Variants in RBPJ observed in about 807,000 individuals in gnomAD.
RBPJ encodes the protein recombining binding protein suppressor of hairless.
RBPJ carries 9 observed loss-of-function variants against 67.8 expected under a neutral mutation model. The ratio of observed to expected loss-of-function variants is 0.13; its 90% CI spans 0.08 to 0.23. RBPJ has a LOEUF of 0.23. RBPJ is among the 10% of genes least tolerant of loss of function. RBPJ has a pLI of 1.00. For synonymous variants in RBPJ, 198 were observed against 203.3 expected (o/e 0.97, Z 0.22); for missense variants, 305 against 595.6 (o/e 0.51, Z 5.08).
intron 1 of RBPJ, among the ~76,000 whole-genome samples, chr4:26,232,656 A>G (rs906714079): frequency 6.6e-6 from 1 of 152,196 alleles, no homozygotes; most frequent in African/African-American, 2.4e-5. Context: ...AACAACAACA[A>G]CGATAATAAT....
In RBPJ at chr4:26,218,907, A is replaced by G. The variant is rs111678703; in HGVS notation, c.-167+55293A>G. ...GAAATTGATTACCCTGCCTCTCAGT[A>G]CCAGGCCTTCTCTCCAGAGCTCCTG... On this transcript the variant is annotated intron_variant, in intron 1 of 4. Coordinates refer to the RBPJ transcript ENST00000512351. Among the ~76,000 whole-genome samples the G allele has an allele frequency of 6.4e-3, 977 of 152,244 alleles. 13 individuals carry two copies. The highest frequency in any genetic ancestry group is 0.022 in the African/African-American group (929 of 41,546).
intron 2 of RBPJ, among the ~76,000 whole-genome samples, chr4:26,397,048 A>C (rs1732192666): frequency 1.3e-5 from 2 of 152,254 alleles, no homozygotes; most frequent in Admixed American, 1.3e-4. Context: ...AGGAGATCTT[A>C]GTCTGGTCTA....
upstream of RBPJ, among the ~76,000 whole-genome samples, chr4:26,318,608 A>G (rs761377516): frequency 6.6e-6 from 1 of 152,260 alleles, no homozygotes; most frequent in Non-Finnish European, 1.5e-5. Context: ...GCAAGAATCT[A>G]TACAAGGCAA....
chr4:26,315,167 A>AAAAAAAAAAAAT (rs1325689348), upstream of RBPJ, among the ~76,000 whole-genome samples: 4 of 74,768 alleles, frequency 5.3e-5, no homozygotes, highest in African/African-American at 6.7e-5. Context: ...AAAAAAAAAA[A>AAAAAAAAAAAAT]ATATATATAT....
chr4:26,106,376 C>T, the RBPJ span, among the ~76,000 whole-genome samples: 2,753 of 152,280 alleles, frequency 0.018, 89 homozygotes, highest in African/African-American at 0.061. Context: ...AACACCACTA[C>T]GGCAGAATTA....
At chr4:26,149,255 T>C in the RBPJ span, among the ~76,000 whole-genome samples, 14 of 152,342 alleles carry the variant, frequency 9.2e-5, no homozygotes, top group African/African-American at 2.9e-4. Context: ...AACTTCAATG[T>C]TGTGAAAAGT....
chr4:26,349,619 C>T (rs1410762596), intron 1 of RBPJ, among the ~76,000 whole-genome samples: 1 of 152,144 alleles, frequency 6.6e-6, no homozygotes, highest in East Asian at 1.9e-4. Flanking sequence ...AGCTATTTGT[C>T]TTCACAGGAA....
the RBPJ span, among the ~76,000 whole-genome samples, chr4:26,141,470 CA>C: frequency 4.6e-5 from 7 of 152,272 alleles, no homozygotes; most frequent in African/African-American, 1.7e-4. Flanking sequence ...CGCCCAGGAA[CA>C]CTTCCTACCC....
chr4:26,411,843 C>T (rs896480771), intron 3 of RBPJ, among the ~76,000 whole-genome samples: 4 of 151,676 alleles, frequency 2.6e-5, no homozygotes, highest in Admixed American at 6.6e-5. Context: ...CGCGGTGGCT[C>T]ACGCCTGTAA....
chr4:26,137,207 T>C, the RBPJ span, among the ~76,000 whole-genome samples: 166 of 152,174 alleles, frequency 1.1e-3, no homozygotes, highest in African/African-American at 3.8e-3. Context: ...TTTGGAAGTC[T>C]CTCCTTCACA....
chr4:26,194,487 A>C (rs1366585360), intron 1 of RBPJ, among the ~76,000 whole-genome samples: 1 of 152,236 alleles, frequency 6.6e-6, no homozygotes, highest in Non-Finnish European at 1.5e-5. Context: ...CCATTGTCAG[A>C]TGAGGAAACT....
At chr4:26,343,003 T>A (rs1291369661) in intron 1 of RBPJ, 2 of 152,262 alleles carry the variant, frequency 1.3e-5, no homozygotes, top group East Asian at 3.8e-4. Flanking sequence ...TTAAAGTCTC[T>A]GCTGTCAAAT....
chr4:26,362,468 A>G, intron 1 of RBPJ: 2 of 1,462,634 alleles, frequency 1.4e-6, no homozygotes, highest in Non-Finnish European at 1.8e-6. Context: ...TGAGACTATC[A>G]TTCAAATGGA....
At chr4:26,255,370 C>G (rs1399096426) in intron 1 of RBPJ, among the ~76,000 whole-genome samples, 1 of 111,018 alleles carries the variant, frequency 9.0e-6, no homozygotes, top group Non-Finnish European at 1.7e-5. Context: ...CGCCACCGCA[C>G]TCCAGCCTGG....
chr4:26,244,361 A>G lies in RBPJ; in HGVS notation c.-167+80747A>G, dbSNP rs1419209807. 2.2e-4 allele frequency among the ~76,000 whole-genome samples: 29 copies of G among 131,274 alleles called. 1 individual carries two copies. The highest frequency in any genetic ancestry group is 4.7e-4 in the African/African-American group (16 of 34,238). 86.1% of individuals were successfully genotyped at this position (131,274 alleles called of 152,430 possible). A position where few individuals can be genotyped will look rare whatever the true frequency, so the allele number is the denominator to read the frequency against. The stretch of plus-strand genomic sequence containing the variant: ...TACACATATGTGTGTATATATATGT[A>G]TGCACATATGTGTACACGTGTGTGT... On this transcript the variant is annotated intron_variant, in intron 1 of 4. Coordinates refer to the RBPJ transcript ENST00000512351.
chr4:26,407,062 T>C (rs1289830006), intron 3 of RBPJ, among the ~76,000 whole-genome samples: 1 of 152,226 alleles, frequency 6.6e-6, no homozygotes, highest in East Asian at 1.9e-4. Flanking sequence ...TCTTACAAAA[T>C]GAAATAATCC....
intron 1 of RBPJ, among the ~76,000 whole-genome samples, chr4:26,330,469 A>G (rs1238492248): frequency 6.6e-6 from 1 of 152,218 alleles, no homozygotes; most frequent in Non-Finnish European, 1.5e-5. Context: ...TGACCCCCGG[A>G]TTATATTCAC....
intron 1 of RBPJ, chr4:26,322,392 T>A (rs1452798815): frequency 6.6e-6 from 1 of 152,184 alleles, no homozygotes; most frequent in African/African-American, 2.4e-5. Flanking sequence ...TTAGAATTTA[T>A]CAGTAACTTC....
upstream of RBPJ, among the ~76,000 whole-genome samples, chr4:26,161,109 C>T (rs573106532): frequency 3.9e-5 from 6 of 152,330 alleles, no homozygotes; most frequent in South Asian, 8.3e-4. Context: ...GAAGTGACAT[C>T]GTGACAGTTC....
Sources: gnomAD v4.1 joint callset for allele counts (sites outside exome capture counted in the v4.1 genomes callset) on GRCh38, gnomAD v4.1.1 for gene constraint, MANE v1.5 for transcripts, NCBI Gene and HGNC (gene_info 2026-07-23, HGNC 2026-07-21) for gene names.